Variants in PTPN2 observed in about 807,000 individuals in gnomAD.
PTPN2 encodes the protein protein tyrosine phosphatase non-receptor type 2.
In PTPN2, 19 loss-of-function variants were observed where a neutral mutation model predicts 57.3. The observed-to-expected ratio is 0.33, with a 90% CI of 0.23 to 0.49. The LOEUF (loss-of-function observed/expected upper bound fraction) is 0.49. PTPN2 is among the 20% of genes least tolerant of loss of function. PTPN2 has a pLI of 0.99. For synonymous variants in PTPN2, 153 were observed against 164.9 expected (o/e 0.93, Z 0.55); for missense variants, 358 against 501.1 (o/e 0.71, Z 2.73).
intron 2 of PTPN2, among the ~76,000 whole-genome samples, chr18:12,853,063 T>A (rs1435382402): frequency 6.6e-6 from 1 of 152,250 alleles, no homozygotes; most frequent in African/African-American, 2.4e-5. Context: ...AATTATTCGA[T>A]ACATAGCATA....
intron 9 of PTPN2, chr18:12,786,187 T>C: frequency 3.2e-6 from 1 of 316,984 alleles, no homozygotes; most frequent in Admixed American, 5.1e-5. Flanking sequence ...TTAAAAATAA[T>C]GTACCCACAA....
intron 7 of PTPN2, among the ~76,000 whole-genome samples, chr18:12,808,501 G>A (rs574157973): frequency 1.3e-5 from 2 of 152,234 alleles, no homozygotes; most frequent in South Asian, 2.1e-4. Flanking sequence ...ACAAAGGCCG[G>A]GGCATGCGGT....
rs2042882761 is a variant in PTPN2 at position 12,836,826 on chromosome 18, T to C, written c.226A>G (p.Ile76Val). The C allele has an allele frequency of 1.2e-6, 2 of 1,610,524 alleles. No individual in the cohort carries two copies. The highest frequency in any genetic ancestry group is 1.7e-5 in the Admixed American group (1 of 59,982). Reference protein sequence around the residue: ...NDYINASLVDIEEAQRSYILT... With the variant: ...NDYINASLVDVEEAQRSYILT... ...ATGTAACTCCTTTGTGCCTCTTCTATGTCAACTAAACTGGCATTAATATAA... is the reference window on the plus strand; with the variant it reads ...ATGTAACTCCTTTGTGCCTCTTCTACGTCAACTAAACTGGCATTAATATAA... The change falls in exon 3 of 9, where the codon ATA (isoleucine) becomes GTA (valine). Residue 76 changes from isoleucine (I) to valine (V), a missense_variant. By Grantham distance (29) the Ile-to-Val change is conservative. This residue lies in a region of PTPN2 where 193 missense variants were observed against 315.4 expected (regional missense o/e 0.61). Transcript: ENST00000309660.
intron 1 of PTPN2, among the ~76,000 whole-genome samples, chr18:12,867,077 G>C (rs2044021066): frequency 6.6e-6 from 1 of 150,466 alleles, no homozygotes; most frequent in Non-Finnish European, 1.5e-5. Context: ...AGGATCATTT[G>C]AGGCCAGGAG....
At chr18:12,862,010 T>C (rs2043824172) in intron 1 of PTPN2, 1 of 152,188 alleles carries the variant, frequency 6.6e-6, no homozygotes. Context: ...GCTAATAAGA[T>C]CTCTTGCATT....
chr18:12,869,440 C>T (rs72872121), intron 1 of PTPN2, among the ~76,000 whole-genome samples: 4,063 of 152,326 alleles, frequency 0.027, 66 homozygotes, highest in Non-Finnish European at 0.042. Flanking sequence ...GTATCACAGG[C>T]GTGAGCCATG....
chr18:12,825,774 T>A (rs757012773), intron 5 of PTPN2, 36 bp downstream of exon 5: 3 of 1,570,232 alleles, frequency 1.9e-6, no homozygotes, highest in Admixed American at 1.8e-5. Context: ...TAAACCATCA[T>A]ATAAAGTCCA....
intron 7 of PTPN2, among the ~76,000 whole-genome samples, chr18:12,803,908 A>G (rs1313012910): frequency 6.6e-6 from 1 of 152,188 alleles, no homozygotes; most frequent in East Asian, 1.9e-4. Flanking sequence ...CATTCCCTCC[A>G]ACAGCCACAG....
chr18:12,793,933 A>G lies in PTPN2; in HGVS notation c.*345T>C, dbSNP rs1008751330. On this transcript the variant is annotated 3_prime_UTR_variant, in exon 9 of 9. Coordinates refer to ENST00000309660, the MANE Select transcript of PTPN2 (RefSeq NM_002828.4). ...TTGCTTATATCAAGTGCAGGTTAAAATCCAGATAGCCTCCAAAAACAAATC... is the reference window on the plus strand; with the variant it reads ...TTGCTTATATCAAGTGCAGGTTAAAGTCCAGATAGCCTCCAAAAACAAATC... 2 of 1,135,396 alleles carry G rather than the reference A, an allele frequency of 1.8e-6. No homozygotes were observed. Among genetic ancestry groups the G allele is most frequent in the African/African-American group, 3.2e-5 (2 of 62,550 alleles). 70.3% of individuals were successfully genotyped at this position (1,135,396 alleles called of 1,614,324 possible). A position where few individuals can be genotyped will look rare whatever the true frequency, so the allele number is the denominator to read the frequency against.
Position 12,827,577 on chromosome 18 carries a change from G to A in PTPN2, c.361-1633C>T, listed in dbSNP as rs1002435664. On this transcript the variant is annotated intron_variant, in intron 4 of 8. Coordinates refer to ENST00000309660, the MANE Select transcript of PTPN2 (RefSeq NM_002828.4). The stretch of plus-strand genomic sequence containing the variant: ...TTTTTGTATTTTTTGTAGAGGCAGG[G>A]TCTCACTTTGTTGTCGAGGCTGGTT... Among the ~76,000 whole-genome samples the A allele has an allele frequency of 2.6e-5, 4 of 151,578 alleles. No individual in the cohort carries two copies. In the East Asian group the frequency reaches 7.8e-4, roughly 30 times the overall value.
At chr18:12,807,604 T>TATATATATATATATATAA (rs753128305) in intron 7 of PTPN2, among the ~76,000 whole-genome samples, 1 of 95,538 alleles carries the variant, frequency 1.0e-5, no homozygotes, top group Non-Finnish European at 2.2e-5. Context: ...TATATATATA[T>TATATATATATATATATAA]AATATAATAC....
intron 2 of PTPN2, among the ~76,000 whole-genome samples, chr18:12,854,132 G>A (rs2043491584): frequency 6.6e-6 from 1 of 152,090 alleles, no homozygotes; most frequent in African/African-American, 2.4e-5. Flanking sequence ...GTCGAGGCAG[G>A]TGGACTACAT....
intron 8 of PTPN2, among the ~76,000 whole-genome samples, chr18:12,796,405 T>TA (rs1453902546): frequency 1.7e-4 from 26 of 152,314 alleles, no homozygotes; most frequent in African/African-American, 5.8e-4. Flanking sequence ...AAAACTTTAT[T>TA]AAAAAAGCTA....
chr18:12,824,678 G>A (rs529015334), intron 5 of PTPN2, among the ~76,000 whole-genome samples: 1 of 152,136 alleles, frequency 6.6e-6, no homozygotes, highest in South Asian at 2.1e-4. Context: ...GGTAAATGGC[G>A]AAAGGGGGAG....
At chr18:12,803,926 A>G (rs2041524424) in intron 7 of PTPN2, among the ~76,000 whole-genome samples, 1 of 152,028 alleles carries the variant, frequency 6.6e-6, no homozygotes, top group African/African-American at 2.4e-5. Context: ...CAGAATACAC[A>G]TTTTTCTCAT....
At chr18:12,859,111 C>T in intron 2 of PTPN2, 53 bp downstream of exon 2, 1 of 1,373,798 alleles carries the variant, frequency 7.3e-7, no homozygotes, top group African/African-American at 1.4e-5. Flanking sequence ...CTACATCCTG[C>T]CTCCTAAAAC....
chr18:12,855,323 G>C (rs1023467638), intron 2 of PTPN2, among the ~76,000 whole-genome samples: 2 of 152,060 alleles, frequency 1.3e-5, no homozygotes, highest in Non-Finnish European at 2.9e-5. Flanking sequence ...AGACAAAAGA[G>C]AGCGAACCAT....
intron 9 of PTPN2, chr18:12,786,066 A>G (rs552262435): frequency 3.8e-6 from 2 of 530,948 alleles, no homozygotes; most frequent in African/African-American, 2.0e-5. Flanking sequence ...ACGCGGCCTC[A>G]TGTGGAAGCA....
intron 8 of PTPN2, among the ~76,000 whole-genome samples, chr18:12,798,572 T>C (rs1175199046): frequency 2.6e-5 from 4 of 152,182 alleles, no homozygotes. Context: ...TCCAAGCCCC[T>C]ACAAAGGACA....
Sources: gnomAD v4.1 joint callset for allele counts (sites outside exome capture counted in the v4.1 genomes callset) on GRCh38, gnomAD v4.1.1 for gene constraint, gnomAD v4.1.1 regional missense constraint, MANE v1.5 for transcripts, NCBI Gene and HGNC (gene_info 2026-07-23, HGNC 2026-07-21) for gene names.